SOBP: variants seen among roughly 807,000 people sequenced by gnomAD.
The protein encoded by SOBP is sine oculis-binding protein homolog.
SOBP carries 4 observed loss-of-function variants against 53.6 expected under a neutral mutation model. That is an observed-to-expected ratio of 0.07 (90% CI 0.04 to 0.17). SOBP has a LOEUF of 0.17. Ranked by LOEUF, SOBP falls within the 10% of genes least tolerant of loss-of-function variation. SOBP has a pLI of 1.00. For missense variants in SOBP, 1,088 were observed against 1,204.7 expected (o/e 0.90, Z 1.43); for synonymous variants, 584 against 522.6 (o/e 1.12, Z -1.60).
intron 6 of SOBP, among the ~76,000 whole-genome samples, chr6:107,650,396 C>T (rs911740969): frequency 1.3e-5 from 2 of 152,198 alleles, no homozygotes; most frequent in African/African-American, 2.4e-5. Context: ...TTACGCTTCA[C>T]GAATATTGCC....
intron 2 of SOBP, among the ~76,000 whole-genome samples, chr6:107,505,602 T>C (rs1348418432): frequency 6.6e-6 from 1 of 150,804 alleles, no homozygotes; most frequent in South Asian, 2.1e-4. Context: ...GGATTACAGG[T>C]CTGAGCCACT....
intron 3 of SOBP, among the ~76,000 whole-genome samples, chr6:107,522,976 A>G (rs1475803225): frequency 1.3e-5 from 2 of 152,206 alleles, no homozygotes; most frequent in Admixed American, 6.5e-5. Context: ...TGATAGGGCC[A>G]GGAACTGAGG....
rs71810335 is a variant in SOBP, at chr6:107,602,568, T to TAAAAAAAAAAAA, written c.669+15401_669+15412dup. Among the ~76,000 whole-genome samples the TAAAAAAAAAAAA allele has an allele frequency of 2.2e-3, 223 of 102,758 alleles. 4 individuals carry two copies. Among genetic ancestry groups the TAAAAAAAAAAAA allele is most frequent in the African/African-American group, 8.4e-3 (211 of 25,250 alleles). 67.4% of individuals were successfully genotyped at this position (102,758 alleles called of 152,430 possible). A position where few individuals can be genotyped will look rare whatever the true frequency, so the allele number is the denominator to read the frequency against. On this transcript the variant is annotated intron_variant, in intron 5 of 6. Transcript: ENST00000317357. ...CCTCTGCATAGCAACTAAGCCGCGT[T>TAAAAAAAAAAAA]AAAAAAAAAAAAAAAAAAAGGAAAG...
chr6:107,636,733 C>T (rs1242724102), intron 6 of SOBP, among the ~76,000 whole-genome samples: 3 of 152,010 alleles, frequency 2.0e-5, no homozygotes, highest in Non-Finnish European at 2.9e-5. Flanking sequence ...AGTGCAAACT[C>T]CAGGAGGAAG....
chr6:107,500,393 A>AG (rs2114939916), intron 1 of SOBP, among the ~76,000 whole-genome samples: 1 of 152,070 alleles, frequency 6.6e-6, no homozygotes, highest in African/African-American at 2.4e-5. Flanking sequence ...AAAAAAAAAA[A>AG]AGGAAAAGGA....
intron 5 of SOBP, among the ~76,000 whole-genome samples, chr6:107,612,980 C>A (rs1583272920): frequency 6.6e-6 from 1 of 152,230 alleles, no homozygotes; most frequent in South Asian, 2.1e-4. Context: ...TTTTGTTTAT[C>A]CATTCATCTG....
At chr6:107,643,090 G>A (rs1771399994) in intron 6 of SOBP, among the ~76,000 whole-genome samples, 1 of 152,178 alleles carries the variant, frequency 6.6e-6, no homozygotes, top group African/African-American at 2.4e-5. Flanking sequence ...GTGGCTAAAC[G>A]GCATTTGGAG....
chr6:107,528,657 T>C (rs1045604481), intron 3 of SOBP, among the ~76,000 whole-genome samples: 2 of 152,268 alleles, frequency 1.3e-5, no homozygotes, highest in African/African-American at 4.8e-5. Flanking sequence ...CAAAGACATT[T>C]TGACCTTTTT....
chr6:107,613,795 G>A (rs914951465), intron 5 of SOBP, among the ~76,000 whole-genome samples: 1 of 151,364 alleles, frequency 6.6e-6, no homozygotes, highest in Admixed American at 6.6e-5. Flanking sequence ...ATTTATACTG[G>A]CTTCTAGAAG....
intron 4 of SOBP, among the ~76,000 whole-genome samples, chr6:107,557,574 T>G (rs780781197): frequency 7.2e-5 from 11 of 152,178 alleles, no homozygotes; most frequent in Admixed American, 6.6e-5. Flanking sequence ...AACCAAGTGT[T>G]TGGAAAGTTA....
intron 4 of SOBP, among the ~76,000 whole-genome samples, chr6:107,568,826 A>C (rs1325540599): frequency 6.6e-6 from 1 of 152,144 alleles, no homozygotes; most frequent in Non-Finnish European, 1.5e-5. Context: ...AGATGTTATC[A>C]CTCTCAGCAG....
intron 5 of SOBP, among the ~76,000 whole-genome samples, chr6:107,615,338 G>C (rs531289726): frequency 6.6e-6 from 1 of 152,100 alleles, no homozygotes; most frequent in Non-Finnish European, 1.5e-5. Context: ...ATATTAGTGG[G>C]GTACTTCCAA....
chr6:107,518,871 A>G (rs1783401803), intron 3 of SOBP, among the ~76,000 whole-genome samples: 1 of 152,024 alleles, frequency 6.6e-6, no homozygotes, highest in African/African-American at 2.4e-5. Context: ...TAATTTAAGC[A>G]ACTAAGCCCT....
chr6:107,587,012 T>C, intron 4 of SOBP, 68 bp from the exon 5 acceptor site: 1 of 1,192,938 alleles, frequency 8.4e-7, no homozygotes, highest in Non-Finnish European at 1.3e-6. Context: ...TCTGAGCTGT[T>C]ATGCTTTTTA....
chr6:107,562,526 ATTT>A (rs1478941294), intron 4 of SOBP, among the ~76,000 whole-genome samples: 6 of 152,188 alleles, frequency 3.9e-5, no homozygotes, highest in African/African-American at 1.4e-4. Flanking sequence ...TCCTCAGATA[ATTT>A]TTGTATGCCA....
chr6:107,635,935 T>C lies in SOBP; in HGVS notation c.*3+466T>C, dbSNP rs1771021000. On this transcript the variant is annotated intron_variant, in intron 6 of 6. Coordinates refer to ENST00000317357, the MANE Select transcript of SOBP (RefSeq NM_018013.4). The surrounding 1 kb of genome is among the most constrained non-coding windows in gnomAD (Gnocchi z 4.5). The stretch of plus-strand genomic sequence containing the variant: ...CCCATGAGCTGGGCCACCTACTAAA[T>C]AGAGCTGGTTGCCTCATTGGCAGAA... 6.6e-6 allele frequency among the ~76,000 whole-genome samples: 1 copy of C among 152,232 alleles called. No individual in the cohort carries two copies.
At chr6:107,515,709 A>G (rs1252942169) in intron 3 of SOBP, among the ~76,000 whole-genome samples, 1 of 152,244 alleles carries the variant, frequency 6.6e-6, no homozygotes, top group Non-Finnish European at 1.5e-5. Context: ...AGATTACACC[A>G]GTGCACTCCA....
chr6:107,526,515 C>G (rs1000194879), intron 3 of SOBP, among the ~76,000 whole-genome samples: 1 of 152,136 alleles, frequency 6.6e-6, no homozygotes, highest in Non-Finnish European at 1.5e-5. Context: ...CCCCGCCTTC[C>G]AAATCCTTCA....
Position 107,635,189 on chromosome 6 carries a change from T to G in SOBP, c.2345T>G (p.Leu782Arg). The G allele has an allele frequency of 6.2e-7, 1 of 1,613,756 alleles. No homozygotes were observed. The highest frequency in any genetic ancestry group is 8.5e-7 in the Non-Finnish European group (1 of 1,179,910). ...KENNCASNCHLDGEAAKKLMG... is the reference protein window; with the variant it reads ...KENNCASNCHRDGEAAKKLMG... ...AATAACTGTGCTTCCAACTGCCACC[T>G]GGACGGGGAGGCGGCCAAAAAGCTG... Residue 782 changes from leucine to arginine, a missense_variant, in exon 6 of 7, where the codon CTG (leucine) becomes CGG (arginine). This residue lies in a region of SOBP where 665 missense variants were observed against 629.7 expected (regional missense o/e 1.06). Transcript: ENST00000317357. The surrounding 1 kb of genome is among the most constrained non-coding windows in gnomAD (Gnocchi z 4.5).
Sources: gnomAD v4.1 joint callset for allele counts (sites outside exome capture counted in the v4.1 genomes callset) on GRCh38, gnomAD v4.1.1 for gene constraint, gnomAD v4.1.1 regional missense constraint, Gnocchi (gnomAD v3.1) non-coding constraint, MANE v1.5 for transcripts, NCBI Gene and HGNC (gene_info 2026-07-23, HGNC 2026-07-21) for gene names.